Variants in FAM185A observed in about 807,000 individuals in gnomAD.
FAM185A encodes family with sequence similarity 185 member A.
Under a neutral mutation model 45.7 loss-of-function variants are expected in FAM185A, and 21 were observed. The observed-to-expected ratio is 0.46, with a 90% confidence interval of 0.33 to 0.66. The LOEUF (loss-of-function observed/expected upper bound fraction) is 0.66, where lower values mean the gene tolerates loss of function less well. Ranked by LOEUF, FAM185A falls within the 30% of genes least tolerant of loss-of-function variation. FAM185A has a pLI of 0.03. For synonymous variants in FAM185A, 117 were observed against 194.0 expected (o/e 0.60, Z 3.30); for missense variants, 305 against 485.4 (o/e 0.63, Z 3.49).
At chr7:102,805,781 A>G (rs1010993544) in intron 7 of FAM185A, among the ~76,000 whole-genome samples, 2 of 152,146 alleles carry the variant, frequency 1.3e-5, no homozygotes, top group Non-Finnish European at 2.9e-5. Context: ...TATTGGTCTG[A>G]CCTAAAAAGT....
the FAM185A span, among the ~76,000 whole-genome samples, chr7:102,848,630 T>TAA: frequency 7.5e-6 from 1 of 132,660 alleles, no homozygotes; most frequent in Non-Finnish European, 1.6e-5. Context: ...GGATATTATA[T>TAA]AAATGTATTT....
intron 4 of FAM185A, among the ~76,000 whole-genome samples, chr7:102,771,674 A>G (rs1445641146): frequency 6.6e-6 from 1 of 152,138 alleles, no homozygotes; most frequent in Non-Finnish European, 1.5e-5. Flanking sequence ...TTTAGAAGAG[A>G]TAACATTATT....
intron 2 of FAM185A, 46 bp downstream of exon 2, chr7:102,751,847 C>G: frequency 8.7e-7 from 1 of 1,149,994 alleles, no homozygotes; most frequent in Non-Finnish European, 1.2e-6. Flanking sequence ...TTTTTAAAAG[C>G]CTTAAGCTAT....
chr7:102,793,316 G>T (rs1275066401), intron 7 of FAM185A, among the ~76,000 whole-genome samples: 1 of 152,012 alleles, frequency 6.6e-6, no homozygotes, highest in Non-Finnish European at 1.5e-5. Context: ...GGTTCCAGGG[G>T]TTCTTCTGCC....
intron 7 of FAM185A, among the ~76,000 whole-genome samples, chr7:102,792,930 C>A (rs1362408652): frequency 6.6e-6 from 1 of 152,164 alleles, no homozygotes; most frequent in Non-Finnish European, 1.5e-5. Context: ...AATCTAGAGA[C>A]ACTGTTTTCT....
At chr7:102,830,112 G>GT in the FAM185A span, among the ~76,000 whole-genome samples, 2 of 152,124 alleles carry the variant, frequency 1.3e-5, no homozygotes, top group East Asian at 3.9e-4. Flanking sequence ...TTGCATATTT[G>GT]TTTAACATCC....
chr7:102,781,451 C>A (rs1584322749), intron 6 of FAM185A, among the ~76,000 whole-genome samples: 1 of 152,316 alleles, frequency 6.6e-6, no homozygotes, highest in African/African-American at 2.4e-5. Context: ...AGGTACTCCT[C>A]TGAGACAAAA....
the FAM185A span, among the ~76,000 whole-genome samples, chr7:102,820,511 C>T: frequency 0.011 from 1,667 of 152,200 alleles, 98 homozygotes; most frequent in East Asian, 0.17. Context: ...GCAAGAAGAC[C>T]GAGCAGTTAA....
At position 102,766,643 on chromosome 7, in the gene FAM185A, T is replaced by C. The variant is rs1335698694; in HGVS notation, c.793+5232T>C. On this transcript the variant is annotated intron_variant, in intron 4 of 7. Transcript: ENST00000413034. Reference sequence around the variant, plus strand: ...AAACAGAATCTTTTATTGGATTAAATAGATCTTTTCATGACATTCATGAAA... The same window carrying C: ...AAACAGAATCTTTTATTGGATTAAACAGATCTTTTCATGACATTCATGAAA... Among the ~76,000 whole-genome samples, 6 of 152,108 alleles carry C rather than the reference T, an allele frequency of 3.9e-5. No homozygotes were observed. In the South Asian group the frequency reaches 1.2e-3, roughly 32 times the overall value.
chr7:102,845,692 C>T, the FAM185A span, among the ~76,000 whole-genome samples: 1 of 152,212 alleles, frequency 6.6e-6, no homozygotes. Flanking sequence ...CTCCCTGTTA[C>T]TTCCCTTGTT....
chr7:102,830,437 T>C, the FAM185A span, among the ~76,000 whole-genome samples: 1 of 152,192 alleles, frequency 6.6e-6, no homozygotes, highest in Non-Finnish European at 1.5e-5. Context: ...CTGTTTAAGT[T>C]GCAGAGAGTC....
At chr7:102,810,375 G>A (rs778102651), downstream of FAM185A, among the ~76,000 whole-genome samples, 24 of 151,950 alleles carry the variant, frequency 1.6e-4, no homozygotes, top group Non-Finnish European at 2.6e-4. Flanking sequence ...TAGCATTACA[G>A]GTGCACGCCA....
At chr7:102,835,813 T>G in the FAM185A span, among the ~76,000 whole-genome samples, 8 of 151,244 alleles carry the variant, frequency 5.3e-5, no homozygotes, top group African/African-American at 1.7e-4. Flanking sequence ...GTTTCACCGT[T>G]TTAGCCGGGA....
chr7:102,838,056 A>C, the FAM185A span, among the ~76,000 whole-genome samples: 1 of 152,238 alleles, frequency 6.6e-6, no homozygotes, highest in Non-Finnish European at 1.5e-5. Flanking sequence ...TATGGCCCTC[A>C]GAATACTAAG....
chr7:102,769,654 A>G (rs926870845), intron 4 of FAM185A, among the ~76,000 whole-genome samples: 3 of 152,206 alleles, frequency 2.0e-5, no homozygotes, highest in Non-Finnish European at 2.9e-5. Context: ...TTGCTATAAC[A>G]GAATACCTGA....
chr7:102,810,909 T>C (rs1797390706), downstream of FAM185A, among the ~76,000 whole-genome samples: 1 of 152,202 alleles, frequency 6.6e-6, no homozygotes, highest in South Asian at 2.1e-4. Flanking sequence ...TTTCCATTTC[T>C]TTAGAGTTCT....
Position 102,781,985 on chromosome 7 carries a change from G to T in FAM185A, c.931+4637G>T, listed in dbSNP as rs6465871. Among the ~76,000 whole-genome samples, 293 of 152,118 alleles carry T rather than the reference G, an allele frequency of 1.9e-3. 1 individual carries two copies. Among genetic ancestry groups the T allele is most frequent in the Middle Eastern group, 6.8e-3 (2 of 294 alleles). On this transcript the variant is annotated intron_variant, in intron 6 of 7. Coordinates refer to ENST00000413034, the MANE Select transcript of FAM185A (RefSeq NM_001145268.2). ...AGGACCTGATGGAGCTGAAAACCAA[G>T]GCATGAGAACTATGTGACGAATGCA...
At chr7:102,830,976 A>G in the FAM185A span, among the ~76,000 whole-genome samples, 1 of 152,196 alleles carries the variant, frequency 6.6e-6, no homozygotes, top group Non-Finnish European at 1.5e-5. Context: ...ACTAAAAACT[A>G]ATCGGAAGGT....
At chr7:102,799,958 C>G (rs558691925) in intron 7 of FAM185A, among the ~76,000 whole-genome samples, 1 of 152,190 alleles carries the variant, frequency 6.6e-6, no homozygotes, top group Non-Finnish European at 1.5e-5. Context: ...ATCAGGAAAC[C>G]TAAGAGGACC....
Sources: gnomAD v4.1 joint callset for allele counts (sites outside exome capture counted in the v4.1 genomes callset) on GRCh38, gnomAD v4.1.1 for gene constraint, MANE v1.5 for transcripts, NCBI Gene and HGNC (gene_info 2026-07-23, HGNC 2026-07-21) for gene names.